QTMAN: variants seen among roughly 807,000 people sequenced by gnomAD.
The protein encoded by QTMAN is tRNA-queuosine alpha-mannosyltransferase.
the QTMAN span, among the ~76,000 whole-genome samples, chr2:144,125,199 C>T: frequency 2.0e-5 from 3 of 151,942 alleles, no homozygotes; most frequent in Non-Finnish European, 2.9e-5. Flanking sequence ...CTATCATCCC[C>T]GAGTTAGTAT....
At chr2:144,127,482 AC>A in the QTMAN span, among the ~76,000 whole-genome samples, 2 of 152,066 alleles carry the variant, frequency 1.3e-5, no homozygotes. Flanking sequence ...GGAAGAACAC[AC>A]TGACAAAACA....
chr2:144,287,248 A>G, the QTMAN span, among the ~76,000 whole-genome samples: 1 of 152,114 alleles, frequency 6.6e-6, no homozygotes, highest in Admixed American at 6.5e-5. Context: ...CATCCTGGCT[A>G]ACAAAGTGAA....
the QTMAN span, among the ~76,000 whole-genome samples, chr2:144,069,518 T>C: frequency 3.7e-4 from 56 of 152,226 alleles, 1 homozygote; most frequent in East Asian, 9.6e-4. Context: ...TTGTTCTTGA[T>C]GAAATATCCA....
At chr2:143,997,481 C>T in the QTMAN span, among the ~76,000 whole-genome samples, 1 of 152,126 alleles carries the variant, frequency 6.6e-6, no homozygotes, top group Non-Finnish European at 1.5e-5. Flanking sequence ...CTCTAAATGT[C>T]TCTCAGCTCT....
the QTMAN span, among the ~76,000 whole-genome samples, chr2:144,215,277 C>T: frequency 2.7e-5 from 4 of 148,186 alleles, no homozygotes; most frequent in African/African-American, 1.0e-4. Context: ...TATATATACA[C>T]ACACACACAC....
the QTMAN span, among the ~76,000 whole-genome samples, chr2:144,104,921 C>A: frequency 6.6e-6 from 1 of 152,202 alleles, no homozygotes; most frequent in Non-Finnish European, 1.5e-5. Flanking sequence ...TCCAGGGGAA[C>A]GATCAGGCAG....
chr2:144,117,068 TCTC>T, the QTMAN span, among the ~76,000 whole-genome samples: 1 of 152,160 alleles, frequency 6.6e-6, no homozygotes, highest in Non-Finnish European at 1.5e-5. Flanking sequence ...TAAAAGAAGT[TCTC>T]CTATGGACAG....
chr2:144,136,395 AAAAGGAAAGGAAAGG>A, the QTMAN span, among the ~76,000 whole-genome samples: 25 of 97,454 alleles, frequency 2.6e-4, no homozygotes, highest in Middle Eastern at 5.0e-3. Flanking sequence ...AAGGAAAAGG[AAAAGGAAAGGAAAGG>A]AAAGGAAAGG....
At chr2:144,143,271 G>A in the QTMAN span, among the ~76,000 whole-genome samples, 1 of 151,894 alleles carries the variant, frequency 6.6e-6, no homozygotes, top group South Asian at 2.1e-4. Context: ...CAAGATTAAA[G>A]GGATAAAGCA....
chr2:143,970,263 C>T, the QTMAN span, among the ~76,000 whole-genome samples: 4 of 152,170 alleles, frequency 2.6e-5, 1 homozygote, highest in South Asian at 6.2e-4. Context: ...TTACATAGGC[C>T]ACCTAACAGA....
At chr2:143,996,367 C>T in the QTMAN span, among the ~76,000 whole-genome samples, 1 of 152,156 alleles carries the variant, frequency 6.6e-6, no homozygotes, top group East Asian at 1.9e-4. Flanking sequence ...ACGCAGCCAC[C>T]CCAAGCAAAC....
chr2:143,988,325 C>A, the QTMAN span, among the ~76,000 whole-genome samples: 1 of 152,158 alleles, frequency 6.6e-6, no homozygotes, highest in South Asian at 2.1e-4. Flanking sequence ...TGGGAACTTA[C>A]AAGAAGACAC....
chr2:144,149,990 T>C, the QTMAN span, among the ~76,000 whole-genome samples: 3 of 151,990 alleles, frequency 2.0e-5, no homozygotes, highest in African/African-American at 7.2e-5. Context: ...AAGGCAGGCA[T>C]TCAATATTCC....
At chr2:144,228,824 G>T in the QTMAN span, among the ~76,000 whole-genome samples, 1 of 152,166 alleles carries the variant, frequency 6.6e-6, no homozygotes, top group South Asian at 2.1e-4. Flanking sequence ...CGGGCGTGAT[G>T]GCATGTGCCT....
the QTMAN span, among the ~76,000 whole-genome samples, chr2:144,277,350 A>AC: frequency 6.6e-6 from 1 of 151,922 alleles, no homozygotes; most frequent in Non-Finnish European, 1.5e-5. Context: ...TCCCAACTCC[A>AC]CCCCCACCAT....
chr2:144,215,918 T>C, the QTMAN span, among the ~76,000 whole-genome samples: 1 of 152,112 alleles, frequency 6.6e-6, no homozygotes, highest in African/African-American at 2.4e-5. Context: ...AATGACATGC[T>C]CAAAAACCTT....
At chr2:144,092,501 A>G in the QTMAN span, among the ~76,000 whole-genome samples, 2 of 152,212 alleles carry the variant, frequency 1.3e-5, no homozygotes, top group Non-Finnish European at 2.9e-5. Flanking sequence ...TATGTAGTTT[A>G]CTGTCTACCA....
the QTMAN span, among the ~76,000 whole-genome samples, chr2:144,105,379 C>T: frequency 6.6e-5 from 10 of 152,258 alleles, no homozygotes; most frequent in Admixed American, 5.9e-4. Flanking sequence ...GAATGGCTAA[C>T]TAGAATAACC....
the QTMAN span, among the ~76,000 whole-genome samples, chr2:144,214,806 C>T: frequency 6.6e-6 from 1 of 152,202 alleles, no homozygotes; most frequent in Non-Finnish European, 1.5e-5. Flanking sequence ...TTCAAATGTG[C>T]TTTTCCAATT....
Sources: allele counts gnomAD v4.1 joint callset (sites outside exome capture counted in the v4.1 genomes callset), GRCh38; gene constraint gnomAD v4.1.1; transcripts MANE v1.5; gene names NCBI Gene and HGNC (gene_info 2026-07-23, HGNC 2026-07-21).